PRAG1: variants seen among roughly 807,000 people sequenced by gnomAD.
The protein encoded by PRAG1 is PEAK1 related, kinase-activating pseudokinase 1, also known as inactive tyrosine-protein kinase PRAG1.
A neutral mutation model predicts 95.6 loss-of-function variants in PRAG1; 110 were observed. The ratio of observed to expected loss-of-function variants is 1.15; its 90% CI spans 0.99 to 1.35. The LOEUF is 1.35. PRAG1 is among the 40% of genes most tolerant of loss of function. PRAG1 has a pLI of 0.00. For synonymous variants in PRAG1, 1,052 were observed against 819.4 expected (o/e 1.28, Z -4.85); for missense variants, 2,554 against 1,864.7 (o/e 1.37, Z -6.81).
At position 8,317,846 on chromosome 8, in the gene PRAG1, T is replaced by C. The variant is rs969677810; in HGVS notation, c.*308A>G. The C allele has an allele frequency of 9.3e-6, 2 of 214,760 alleles. No homozygotes were observed. The highest frequency in any genetic ancestry group is 5.7e-5 in the Admixed American group (1 of 17,454). The allele number at this position is 214,760 out of a possible 1,614,324, so 13.3% of individuals were successfully genotyped here. ...ATCCTAAACAAGGTATTGAGGCCAG[T>C]GTCCAGGCTGCATTCAGTTCACAGA... On this transcript the variant is annotated 3_prime_UTR_variant, in exon 6 of 6. Coordinates refer to ENST00000615670, the MANE Select transcript of PRAG1 (RefSeq NM_001080826.3).
chr8:8,360,165 ATTC>A (rs1053422718), intron 3 of PRAG1, among the ~76,000 whole-genome samples: 1 of 152,106 alleles, frequency 6.6e-6, no homozygotes, highest in Non-Finnish European at 1.5e-5. Flanking sequence ...TGACCCCTCT[ATTC>A]TTCTTCAGAA....
chr8:8,336,335 C>T (rs879406190), intron 4 of PRAG1, among the ~76,000 whole-genome samples: 20 of 152,182 alleles, frequency 1.3e-4, no homozygotes, highest in Non-Finnish European at 2.8e-4. Context: ...ATGACCATTT[C>T]TGATCATCAT....
chr8:8,375,719 C>G (rs1291633145), intron 3 of PRAG1, among the ~76,000 whole-genome samples: 2 of 151,948 alleles, frequency 1.3e-5, no homozygotes, highest in African/African-American at 4.8e-5. Flanking sequence ...GAGACAGGAT[C>G]TCCTTATGTT....
At chr8:8,350,504 GT>G (rs1799486951) in intron 3 of PRAG1, among the ~76,000 whole-genome samples, 1 of 152,232 alleles carries the variant, frequency 6.6e-6, no homozygotes, top group Non-Finnish European at 1.5e-5. Flanking sequence ...TAACAAGAGA[GT>G]AACTGCATTC....
intron 3 of PRAG1, among the ~76,000 whole-genome samples, chr8:8,366,965 G>A (rs903357416): frequency 1.3e-5 from 2 of 152,104 alleles, no homozygotes; most frequent in Non-Finnish European, 2.9e-5. Context: ...GAGCCACCGT[G>A]CCCAGCTACA....
chr8:8,319,961 G>C (rs1377409637), intron 5 of PRAG1, among the ~76,000 whole-genome samples: 2 of 152,226 alleles, frequency 1.3e-5, no homozygotes, highest in African/African-American at 2.4e-5. Flanking sequence ...AGGATGAGCA[G>C]AAATGGGAAA....
intron 5 of PRAG1, 34 bp from the exon 6 acceptor site, chr8:8,319,336 G>A (rs1329939933): frequency 4.7e-6 from 7 of 1,477,804 alleles, no homozygotes; most frequent in East Asian, 2.4e-5. Flanking sequence ...ATCAAGAGTG[G>A]GGCCCATGGT....
chr8:8,353,856 T>A (rs908798543), intron 3 of PRAG1, among the ~76,000 whole-genome samples: 2 of 151,202 alleles, frequency 1.3e-5, no homozygotes, highest in African/African-American at 4.9e-5. Flanking sequence ...AAAGAAGTAG[T>A]AGTAGTAGTA....
Position 8,343,062 on chromosome 8 carries a change from A to C in PRAG1, c.2163-3427T>G, listed in dbSNP as rs138497317. ...AAAAAAGAGTGCCTATAAATCTAAG[A>C]AACAGACAAATGACCCCATTTTTAA... On this transcript the variant is annotated intron_variant, in intron 3 of 5. Coordinates refer to ENST00000615670, the MANE Select transcript of PRAG1 (RefSeq NM_001080826.3). 5.8e-4 allele frequency among the ~76,000 whole-genome samples: 88 copies of C among 152,340 alleles called. 1 individual carries two copies. The East Asian group carries it at 0.015, about 26-fold the overall frequency.
At chr8:8,355,216 G>A (rs1179404002) in intron 3 of PRAG1, among the ~76,000 whole-genome samples, 1 of 151,946 alleles carries the variant, frequency 6.6e-6, no homozygotes, top group Non-Finnish European at 1.5e-5. Context: ...TGAGGTGAAA[G>A]ATATGTATAC....
rs561095817 is a variant in PRAG1, at chr8:8,318,151, G to T, written c.*3C>A. 1 of 1,610,030 alleles carries T rather than the reference G, an allele frequency of 6.2e-7. No individual in the cohort carries two copies. Among genetic ancestry groups the T allele is most frequent in the African/African-American group, 1.3e-5 (1 of 74,958 alleles). ...GCAGCGACGGTGCAGGCTGGGGCTT[G>T]GCTCACAGAAGCTGCAGGAGCTTCA... On this transcript the variant is annotated 3_prime_UTR_variant, in exon 6 of 6. Coordinates refer to ENST00000615670, the MANE Select transcript of PRAG1 (RefSeq NM_001080826.3). This position sits in a 1 kb window ranked among gnomAD's most constrained non-coding sequence, Gnocchi z 4.2.
intron 5 of PRAG1, among the ~76,000 whole-genome samples, chr8:8,322,195 GTTTTT>G (rs1316031458): frequency 6.6e-6 from 1 of 151,984 alleles, no homozygotes; most frequent in African/African-American, 2.4e-5. Context: ...GTTTTGTTTT[GTTTTT>G]GAGATGGAGT....
Position 8,367,458 on chromosome 8 carries a change from C to CAAAAA in PRAG1, c.2162+8784_2162+8788dup, listed in dbSNP as rs1158165514. Among the ~76,000 whole-genome samples the CAAAAA allele has an allele frequency of 2.7e-4, 7 of 26,250 alleles. 1 individual carries two copies. The highest frequency in any genetic ancestry group is 6.5e-4 in the Admixed American group (1 of 1,540). 17.2% of individuals were successfully genotyped at this position (26,250 alleles called of 152,430 possible). On this transcript the variant is annotated intron_variant, in intron 3 of 5. Transcript: ENST00000615670. ...AGGTGAAAGGAGCAAGACTCCATCT[C>CAAAAA]AAAAAAAAAAAAAAAAAAAAAAAAA... is the stretch of plus-strand genomic sequence containing the variant.
chr8:8,319,288 A>C lies in PRAG1; in HGVS notation c.3087T>G (p.Pro1029=), dbSNP rs201620158. ...TGCAGTAGGAGACTGTTTTGGGCTC[A>C]GGGGCTTTGCAGATCTGTGGAGAGA... ...STYAVKICKA[P]EPKTVSYCSP... The change falls in exon 6 of 6, where the codon CCT becomes CCG. Residue 1029 remains proline (P), a synonymous_variant. Coordinates refer to ENST00000615670, the MANE Select transcript of PRAG1 (RefSeq NM_001080826.3). 4 of 1,514,348 alleles carry C rather than the reference A, an allele frequency of 2.6e-6. No homozygotes were observed. The highest frequency in any genetic ancestry group is 2.7e-6 in the Non-Finnish European group (3 of 1,127,710). 93.8% of individuals were successfully genotyped at this position (1,514,348 alleles called of 1,614,324 possible).
chr8:8,346,581 C>T (rs1395602813), intron 3 of PRAG1, among the ~76,000 whole-genome samples: 1 of 152,186 alleles, frequency 6.6e-6, no homozygotes, highest in Non-Finnish European at 1.5e-5. Context: ...AAAAAAGACT[C>T]CAGCCGGAAG....
At chr8:8,361,595 A>G (rs899143588) in intron 3 of PRAG1, among the ~76,000 whole-genome samples, 2 of 152,262 alleles carry the variant, frequency 1.3e-5, no homozygotes, top group African/African-American at 4.8e-5. Context: ...CCACCAGCAT[A>G]GAGCATAATC....
At chr8:8,325,728 G>C (rs1798617001) in intron 5 of PRAG1, among the ~76,000 whole-genome samples, 1 of 151,918 alleles carries the variant, frequency 6.6e-6, no homozygotes, top group East Asian at 1.9e-4. Context: ...GGCCAATATG[G>C]GGAAACCCCA....
At chr8:8,329,726 C>G (rs1798759528) in intron 4 of PRAG1, among the ~76,000 whole-genome samples, 1 of 152,150 alleles carries the variant, frequency 6.6e-6, no homozygotes, top group Non-Finnish European at 1.5e-5. Context: ...CAAGAGGGAA[C>G]AGAATAGATC....
chr8:8,363,193 G>T (rs905678186), intron 3 of PRAG1, among the ~76,000 whole-genome samples: 1 of 151,480 alleles, frequency 6.6e-6, no homozygotes, highest in Non-Finnish European at 1.5e-5. Flanking sequence ...GTCTTTAAGA[G>T]AAACTATTAC....
Sources: gnomAD v4.1 joint callset for allele counts (sites outside exome capture counted in the v4.1 genomes callset) on GRCh38, gnomAD v4.1.1 for gene constraint, Gnocchi (gnomAD v3.1) non-coding constraint, MANE v1.5 for transcripts, NCBI Gene and HGNC (gene_info 2026-07-23, HGNC 2026-07-21) for gene names.